NFATC2: variants seen among roughly 807,000 people sequenced by gnomAD.
NFATC2 encodes the protein nuclear factor of activated T-cells, cytoplasmic 2.
NFATC2 carries 22 observed loss-of-function variants against 87.3 expected under a neutral mutation model. The ratio of observed to expected loss-of-function variants is 0.25; its 90% CI spans 0.18 to 0.36. The LOEUF is 0.36. Among genes scored for constraint, NFATC2 ranks in the 10% least tolerant of loss-of-function variants. The pLI, the probability that NFATC2 is intolerant of heterozygous loss-of-function variation, is 1.00. For synonymous variants in NFATC2, 565 were observed against 542.2 expected (o/e 1.04, Z -0.58); for missense variants, 1,149 against 1,259.1 (o/e 0.91, Z 1.32).
chr20:51,523,929 T>C lies in NFATC2; in HGVS notation c.312A>G (p.Ala104=). Residue 104 remains alanine, a synonymous_variant, in exon 2 of 11, where the codon GCA becomes GCG. Coordinates refer to ENST00000371564, the MANE Select transcript of NFATC2 (RefSeq NM_012340.5). The surrounding 1 kb of genome is among the most constrained non-coding windows in gnomAD (Gnocchi z 6.9). ...TCCGAGGGCTCAGGCCCGAGGCCCCTGCTGGCTTGGCCGCGCTCAGAAACT... is the reference window on the plus strand; with the variant it reads ...TCCGAGGGCTCAGGCCCGAGGCCCCCGCTGGCTTGGCCGCGCTCAGAAACT... ...PQKFLSAAKP[A]GASGLSPRIE... is the part of the protein sequence containing the mutation. The C allele has an allele frequency of 1.9e-6, 3 of 1,601,074 alleles. No individual in the cohort carries two copies. The African/African-American group carries it at 4.0e-5, about 22-fold the overall frequency.
intron 9 of NFATC2, among the ~76,000 whole-genome samples, chr20:51,415,849 G>C (rs951101062): frequency 7.9e-5 from 12 of 151,788 alleles, no homozygotes; most frequent in African/African-American, 2.9e-4. Context: ...TGCCAATGTT[G>C]TCAGTCTCAC....
At chr20:51,529,275 G>C (rs995974287) in intron 1 of NFATC2, among the ~76,000 whole-genome samples, 1 of 151,992 alleles carries the variant, frequency 6.6e-6, no homozygotes, top group Non-Finnish European at 1.5e-5. Flanking sequence ...CACTCCCTAG[G>C]AGCTCTGAAA....
chr20:51,477,396 A>C (rs547728479), intron 3 of NFATC2, among the ~76,000 whole-genome samples: 4 of 151,922 alleles, frequency 2.6e-5, no homozygotes, highest in African/African-American at 7.2e-5. Context: ...AATGGAGAAG[A>C]AGCTCAAGAT....
chr20:51,558,860 G>T (rs2076999398), intron 1 of NFATC2, among the ~76,000 whole-genome samples: 2 of 152,166 alleles, frequency 1.3e-5, no homozygotes, highest in African/African-American at 4.8e-5. Flanking sequence ...GCCAAGATTT[G>T]AACCTCTGAT....
At chr20:51,515,519 C>T (rs982718275) in intron 3 of NFATC2, among the ~76,000 whole-genome samples, 1 of 152,140 alleles carries the variant, frequency 6.6e-6, no homozygotes, top group Non-Finnish European at 1.5e-5. Context: ...TGATGAAGCA[C>T]GAAAGAAAGT....
At position 51,391,469 on chromosome 20, in the gene NFATC2, A is replaced by AGGG. The variant is rs3830840; in HGVS notation, c.*45-21_*45-19dup. 9.7e-5 allele frequency: 106 copies of AGGG among 1,089,008 alleles called. No homozygotes were observed. The highest frequency in any genetic ancestry group is 2.8e-4 in the African/African-American group (16 of 57,660). The allele number at this position is 1,089,008 out of a possible 1,614,324, so 67.5% of individuals were successfully genotyped here. A position where few individuals can be genotyped will look rare whatever the true frequency, so the allele number is the denominator to read the frequency against. On this transcript the variant is annotated intron_variant, in intron 10 of 10. Coordinates refer to ENST00000371564, the MANE Select transcript of NFATC2 (RefSeq NM_012340.5). ...TTCATTAACTACAAAAGAAAAGAGG[A>AGGG]GGGGGGGGGAGAGAGAATGGGGCAA... is the stretch of plus-strand genomic sequence containing the variant.
intron 4 of NFATC2, 81 bp downstream of exon 4, chr20:51,475,377 G>A: frequency 5.2e-6 from 7 of 1,349,878 alleles, no homozygotes; most frequent in South Asian, 1.2e-5. Flanking sequence ...GTTCTGTAGA[G>A]TCCCCTCTCC....
At chr20:51,527,828 T>C (rs2076569461) in intron 1 of NFATC2, among the ~76,000 whole-genome samples, 1 of 152,068 alleles carries the variant, frequency 6.6e-6, no homozygotes, top group African/African-American at 2.4e-5. Flanking sequence ...GGGCCAGTCA[T>C]GGTGGCTCAC....
intron 5 of NFATC2, among the ~76,000 whole-genome samples, chr20:51,468,169 A>C (rs139596594): frequency 1.0e-3 from 159 of 152,296 alleles, no homozygotes; most frequent in African/African-American, 3.5e-3. Flanking sequence ...GGGCTTGAGG[A>C]GGCGGCCTTG....
At position 51,498,552 on chromosome 20, in the gene NFATC2, C is replaced by T. The variant is rs1487396579; in HGVS notation, c.1332+18232G>A. 2.6e-5 allele frequency among the ~76,000 whole-genome samples: 4 copies of T among 151,956 alleles called. No homozygotes were observed. The East Asian group carries it at 7.7e-4, about 29-fold the overall frequency. ...GTGGCTCACGCCTGTAATCCCAGCA[C>T]TTTGGGAGGCCGAGGCAGGCAGATC... On this transcript the variant is annotated intron_variant, in intron 3 of 10. Coordinates refer to ENST00000371564, the MANE Select transcript of NFATC2 (RefSeq NM_012340.5).
In NFATC2 at chr20:51,556,112, G is replaced by A. The variant is rs960360547; in HGVS notation, c.70+6448C>T. Among the ~76,000 whole-genome samples, 3 of 152,158 alleles carry A rather than the reference G, an allele frequency of 2.0e-5. 1 individual carries two copies. The highest frequency in any genetic ancestry group is 4.4e-5 in the Non-Finnish European group (3 of 68,010). On this transcript the variant is annotated intron_variant, in intron 1 of 10. Transcript: ENST00000414705. ...TGAAGACAGAGGCAGAGATGGGAGT[G>A]ACACAGCCACAGGCCACAGAGGGCC... is the stretch of plus-strand genomic sequence containing the variant.
intron 6 of NFATC2, among the ~76,000 whole-genome samples, chr20:51,437,133 C>G (rs367839037): frequency 6.8e-6 from 1 of 147,570 alleles, no homozygotes; most frequent in African/African-American, 2.5e-5. Context: ...AAAAAAAAAC[C>G]CTGCATTTGC....
At chr20:51,549,802 A>G (rs1331886782) in intron 1 of NFATC2, among the ~76,000 whole-genome samples, 2 of 152,252 alleles carry the variant, frequency 1.3e-5, no homozygotes, top group African/African-American at 4.8e-5. Context: ...GGGATGTGAC[A>G]TGCAGAGTCA....
intron 5 of NFATC2, among the ~76,000 whole-genome samples, chr20:51,456,137 T>C (rs1057426360): frequency 6.6e-6 from 1 of 150,462 alleles, no homozygotes; most frequent in African/African-American, 2.5e-5. Flanking sequence ...GGTGAGTGGA[T>C]GGATGGGTGG....
At chr20:51,552,212 C>T (rs1367945206) in intron 1 of NFATC2, among the ~76,000 whole-genome samples, 2 of 151,664 alleles carry the variant, frequency 1.3e-5, no homozygotes, top group East Asian at 1.9e-4. Flanking sequence ...AGGAGGCTGA[C>T]GCTGCAGTGA....
At chr20:51,402,518 T>C (rs1383512344) in intron 9 of NFATC2, among the ~76,000 whole-genome samples, 2 of 148,870 alleles carry the variant, frequency 1.3e-5, no homozygotes, top group African/African-American at 4.9e-5. Flanking sequence ...TGTTACTATA[T>C]TGAATTGAGA....
chr20:51,419,955 A>C (rs901764769), intron 9 of NFATC2, among the ~76,000 whole-genome samples: 1 of 152,176 alleles, frequency 6.6e-6, no homozygotes, highest in Non-Finnish European at 1.5e-5. Context: ...ACCAAAAAAA[A>C]GCCCATTAAA....
At chr20:51,477,576 T>TATATATATATAA (rs1555803322) in intron 3 of NFATC2, among the ~76,000 whole-genome samples, 1 of 73,892 alleles carries the variant, frequency 1.4e-5, no homozygotes, top group African/African-American at 4.9e-5. Flanking sequence ...TATATATATA[T>TATATATATATAA]ATATAAAATA....
At chr20:51,392,629 C>T (rs771388414) in intron 10 of NFATC2, among the ~76,000 whole-genome samples, 1 of 152,184 alleles carries the variant, frequency 6.6e-6, no homozygotes, top group Non-Finnish European at 1.5e-5. Flanking sequence ...AGGCTGTAGA[C>T]CCCTTTGGGA....
Sources: gnomAD v4.1 joint callset for allele counts (sites outside exome capture counted in the v4.1 genomes callset) on GRCh38, gnomAD v4.1.1 for gene constraint, Gnocchi (gnomAD v3.1) non-coding constraint, MANE v1.5 for transcripts, NCBI Gene and HGNC (gene_info 2026-07-23, HGNC 2026-07-21) for gene names.